Variants in DNAH8 observed in about 807,000 individuals in gnomAD.
The protein encoded by DNAH8 is axonemal beta dynein heavy chain 8.
Under a neutral mutation model 562.1 loss-of-function variants are expected in DNAH8, and 382 were observed. That is an observed-to-expected ratio of 0.68 (90% CI 0.63 to 0.74). DNAH8 has a LOEUF of 0.74. Ranked by LOEUF, DNAH8 falls within the 30% of genes least tolerant of loss-of-function variation. The probability of loss-of-function intolerance (pLI) is 0.00; values close to 1 mark genes in which losing one functional copy is unlikely to be tolerated. For synonymous variants in DNAH8, 1,881 were observed against 1,919.4 expected (o/e 0.98, Z 0.52); for missense variants, 5,203 against 5,620.4 (o/e 0.93, Z 2.37).
intron 14 of DNAH8, among the ~76,000 whole-genome samples, chr6:38,778,870 G>C (rs1768311721): frequency 6.6e-6 from 1 of 152,012 alleles, no homozygotes; most frequent in South Asian, 2.1e-4. Flanking sequence ...CCCTCCTGAG[G>C]GCTCCTGCAC....
intron 37 of DNAH8, 64 bp from the exon 38 acceptor site, chr6:38,850,187 G>T: frequency 6.7e-7 from 1 of 1,500,284 alleles, no homozygotes; most frequent in South Asian, 1.2e-5. Context: ...ATTCCAAGGT[G>T]AAGACTTTGC....
At chr6:38,753,434 A>C (rs528634397) in intron 9 of DNAH8, among the ~76,000 whole-genome samples, 2 of 152,326 alleles carry the variant, frequency 1.3e-5, no homozygotes, top group Admixed American at 6.5e-5. Flanking sequence ...AATATGAAAT[A>C]CACATAATAC....
chr6:38,980,074 G>A (rs1763926284), intron 85 of DNAH8, among the ~76,000 whole-genome samples: 1 of 151,864 alleles, frequency 6.6e-6, no homozygotes, highest in Non-Finnish European at 1.5e-5. Flanking sequence ...TCTGGAAGAG[G>A]CTCACCTCAA....
chr6:38,991,282 A>G (rs981331099), intron 88 of DNAH8, among the ~76,000 whole-genome samples: 7 of 152,166 alleles, frequency 4.6e-5, no homozygotes, highest in South Asian at 2.1e-4. Context: ...CATGATTGAA[A>G]ATACCTACAA....
chr6:38,938,649 T>G, intron 78 of DNAH8, 149 bp from the exon 79 acceptor site: 1 of 618,254 alleles, frequency 1.6e-6, no homozygotes, highest in Non-Finnish European at 2.8e-6. Flanking sequence ...GTACTAGGCT[T>G]AATACCTGGG....
At chr6:38,725,336 T>TAATAATAATAAA (rs1283259746) in intron 3 of DNAH8, among the ~76,000 whole-genome samples, 27 of 148,986 alleles carry the variant, frequency 1.8e-4, no homozygotes, top group East Asian at 5.9e-4. Context: ...ATAATAATAA[T>TAATAATAATAAA]AAAGAGCTAC....
chr6:38,807,525 A>G, intron 23 of DNAH8, 85 bp from the exon 24 acceptor site: 6 of 547,340 alleles, frequency 1.1e-5, no homozygotes. Flanking sequence ...TTCACATGCC[A>G]CATCTAATAT....
intron 87 of DNAH8, among the ~76,000 whole-genome samples, chr6:38,987,400 T>A (rs1764475675): frequency 6.6e-6 from 1 of 152,146 alleles, no homozygotes; most frequent in Admixed American, 6.5e-5. Flanking sequence ...AAACCCAAGA[T>A]TCTCTGTCCT....
intron 79 of DNAH8, among the ~76,000 whole-genome samples, chr6:38,940,047 T>C (rs1230185752): frequency 6.6e-6 from 1 of 152,114 alleles, no homozygotes. Context: ...TGGGTTCCTG[T>C]AGGAAGGATT....
At chr6:38,722,310 T>C (rs3807046) in intron 1 of DNAH8, among the ~76,000 whole-genome samples, 56,053 of 152,094 alleles carry the variant, frequency 0.37, 11,122 homozygotes, top group East Asian at 0.81. Flanking sequence ...TTGCATTACA[T>C]AGTTCCTTGA....
chr6:38,892,111 C>G (rs1779376999), intron 58 of DNAH8, among the ~76,000 whole-genome samples: 1 of 152,072 alleles, frequency 6.6e-6, no homozygotes, highest in Non-Finnish European at 1.5e-5. Flanking sequence ...CACTGGCTAC[C>G]TCATTAAAGT....
Position 38,798,237 on chromosome 6 carries a change from C to T in DNAH8, c.2902-4942C>T, listed in dbSNP as rs372551412. Among the ~76,000 whole-genome samples, 57 of 152,264 alleles carry T rather than the reference C, an allele frequency of 3.7e-4. No individual in the cohort carries two copies. The South Asian group carries it at 0.011, about 30-fold the overall frequency. On this transcript the variant is annotated intron_variant, in intron 21 of 92. Coordinates refer to ENST00000327475, the MANE Select transcript of DNAH8 (RefSeq NM_001206927.2). ...AGATAGTGGTCATGGTTGCACAAGT[C>T]TGTGAATATACTAAAAACCAGTAAG...
At chr6:38,839,207 A>C (rs1439578887) in intron 33 of DNAH8, among the ~76,000 whole-genome samples, 2 of 152,212 alleles carry the variant, frequency 1.3e-5, no homozygotes, top group Non-Finnish European at 2.9e-5. Context: ...ATGCACACTC[A>C]GCCTGAGATC....
chr6:38,959,457 G>A (rs1561915962), intron 82 of DNAH8, among the ~76,000 whole-genome samples: 1 of 151,892 alleles, frequency 6.6e-6, no homozygotes, highest in Non-Finnish European at 1.5e-5. Flanking sequence ...CACGAATTAG[G>A]GTTTCTATAT....
At chr6:38,936,939 C>T (rs1164240896) in intron 77 of DNAH8, among the ~76,000 whole-genome samples, 2 of 152,178 alleles carry the variant, frequency 1.3e-5, no homozygotes, top group African/African-American at 2.4e-5. Context: ...TAGCTCAGTA[C>T]ATCCAAGGTG....
chr6:38,775,016 G>A (rs1767926773), intron 12 of DNAH8, among the ~76,000 whole-genome samples: 1 of 152,300 alleles, frequency 6.6e-6, no homozygotes, highest in Admixed American at 6.5e-5. Flanking sequence ...GATCAGTGGT[G>A]GTGTCTTCAT....
At chr6:38,753,865 T>C (rs1184847289) in intron 9 of DNAH8, among the ~76,000 whole-genome samples, 1 of 152,220 alleles carries the variant, frequency 6.6e-6, no homozygotes, top group Non-Finnish European at 1.5e-5. Context: ...GTTTCAAGCA[T>C]CACCTTTTGA....
chr6:38,824,024 G>A (rs2150339217), intron 28 of DNAH8, among the ~76,000 whole-genome samples: 1 of 152,148 alleles, frequency 6.6e-6, no homozygotes, highest in East Asian at 1.9e-4. Flanking sequence ...AAGTATAGGT[G>A]AAATTCTCTT....
intron 12 of DNAH8, among the ~76,000 whole-genome samples, chr6:38,773,331 T>C (rs1041273070): frequency 2.6e-5 from 4 of 152,176 alleles, no homozygotes; most frequent in African/African-American, 9.7e-5. Flanking sequence ...GTTTCAGGAC[T>C]AAACCTTATT....
Sources: allele counts gnomAD v4.1 joint callset (sites outside exome capture counted in the v4.1 genomes callset), GRCh38; gene constraint gnomAD v4.1.1; transcripts MANE v1.5; gene names NCBI Gene and HGNC (gene_info 2026-07-23, HGNC 2026-07-21).